ATP4A: variants seen among roughly 807,000 people sequenced by gnomAD.
ATP4A encodes the protein potassium-transporting ATPase alpha chain 1.
Under a neutral mutation model 112.1 loss-of-function variants are expected in ATP4A, and 73 were observed. That is an observed-to-expected ratio of 0.65 (90% CI 0.54 to 0.79). ATP4A has a LOEUF of 0.79. ATP4A is among the 30% of genes least tolerant of loss of function. The pLI, the probability that ATP4A is intolerant of heterozygous loss-of-function variation, is 0.00. For synonymous variants in ATP4A, 588 were observed against 588.9 expected (o/e 1.00, Z 0.02); for missense variants, 1,081 against 1,425.9 (o/e 0.76, Z 3.90).
chr19:35,558,554 C>T lies in ATP4A; in HGVS notation c.1365+23G>A, dbSNP rs765821773. 9.2e-5 allele frequency: 147 copies of T among 1,593,256 alleles called. No individual in the cohort carries two copies. Among genetic ancestry groups the T allele is most frequent in the Non-Finnish European group, 1.2e-4 (141 of 1,170,806 alleles). ...CGGCTACACCAGCCTCCCGGGATTC[C>T]CTGGAGGCCCCCTGGCTCTCACCTT... On this transcript the variant is annotated intron_variant, in intron 9 of 21. Transcript: ENST00000262623. The surrounding 1 kb of genome is among the most constrained non-coding windows in gnomAD (Gnocchi z 5.1).
Position 35,551,610 on chromosome 19 carries a change from T to C in ATP4A, c.2752-30A>G. The C allele has an allele frequency of 1.2e-6, 2 of 1,603,528 alleles. No individual in the cohort carries two copies. Among genetic ancestry groups the C allele is most frequent in the East Asian group, 2.3e-5 (1 of 44,358 alleles). On this transcript the variant is annotated intron_variant, in intron 18 of 21. Transcript: ENST00000262623. This position sits in a 1 kb window ranked among gnomAD's most constrained non-coding sequence, Gnocchi z 5.2. ...AGGCCAGGGGCAAACGGAAACAGCC[T>C]GAGTCCAGCCTGAGTCCCGGCGGAG...
At position 35,553,207 on chromosome 19, in the gene ATP4A, G is replaced by A. The variant is rs772930841; in HGVS notation, c.2606-25C>T. On this transcript the variant is annotated intron_variant, in intron 17 of 21. Coordinates refer to ENST00000262623, the MANE Select transcript of ATP4A (RefSeq NM_000704.3). ...CCTGGAGAGAGACAAGGGGACACAG[G>A]GAGACAGAGATGGACACAGAGACAG... The A allele has an allele frequency of 1.6e-5, 26 of 1,580,138 alleles. No individual in the cohort carries two copies. In the Middle Eastern group the frequency reaches 5.0e-4, roughly 31 times the overall value.
In ATP4A at chr19:35,551,814, CG is replaced by C. The variant is rs1482316412; in HGVS notation, c.2752-235del. Among the ~76,000 whole-genome samples, 6 of 151,968 alleles carry C rather than the reference CG, an allele frequency of 3.9e-5. No homozygotes were observed. Among genetic ancestry groups the C allele is most frequent in the African/African-American group, 1.5e-4 (6 of 41,346 alleles). ...CTAGCAGAGCTTGGATGACAGTGGC[CG>C]GGAAAACTGTAGGCTGGGCCGACTG... On this transcript the variant is annotated intron_variant, in intron 18 of 21. Coordinates refer to ENST00000262623, the MANE Select transcript of ATP4A (RefSeq NM_000704.3). The surrounding 1 kb of genome is among the most constrained non-coding windows in gnomAD (Gnocchi z 5.2).
chr19:35,558,855 C>G lies in ATP4A; in HGVS notation c.1255+138G>C. The stretch of plus-strand genomic sequence containing the variant: ...CCCGGATGACCCTTCCCTCTAGACC[C>G]GGTAGCGAGTCTCCTTTGAGACCTG... On this transcript the variant is annotated intron_variant, in intron 8 of 21. Coordinates refer to ENST00000262623, the MANE Select transcript of ATP4A (RefSeq NM_000704.3). The surrounding 1 kb of genome is among the most constrained non-coding windows in gnomAD (Gnocchi z 5.1). 1 of 1,296,516 alleles carries G rather than the reference C, an allele frequency of 7.7e-7. No individual in the cohort carries two copies. The highest frequency in any genetic ancestry group is 1.4e-5 in the South Asian group (1 of 73,120). The allele number at this position is 1,296,516 out of a possible 1,614,324, so 80.3% of individuals were successfully genotyped here.
In ATP4A at chr19:35,559,422, C is replaced by T. The variant is rs1400472439; in HGVS notation, c.1057-231G>A. Among the ~76,000 whole-genome samples, 1 of 152,212 alleles carries T rather than the reference C, an allele frequency of 6.6e-6. No homozygotes were observed. Among genetic ancestry groups the T allele is most frequent in the Non-Finnish European group, 1.5e-5 (1 of 68,040 alleles). On this transcript the variant is annotated intron_variant, in intron 7 of 21. Transcript: ENST00000262623. This position sits in a 1 kb window ranked among gnomAD's most constrained non-coding sequence, Gnocchi z 4.1. ...TAGCGAGGCCCCTCTCTGAGCTGTCCCAGCCGAGGTTCTGAAAATTCTCTT... is the reference window on the plus strand; with the variant it reads ...TAGCGAGGCCCCTCTCTGAGCTGTCTCAGCCGAGGTTCTGAAAATTCTCTT...
In ATP4A at chr19:35,551,203, G is replaced by A; in HGVS notation, c.2886-92C>T. On this transcript the variant is annotated intron_variant, in intron 19 of 21. Transcript: ENST00000262623. This position sits in a 1 kb window ranked among gnomAD's most constrained non-coding sequence, Gnocchi z 5.2. ...GGTCAAAGTAGGTCAGATGTCAGCAGCAGCAGGGAGGTGTTCTACACACTG... is the reference window on the plus strand; with the variant it reads ...GGTCAAAGTAGGTCAGATGTCAGCAACAGCAGGGAGGTGTTCTACACACTG... 1 of 1,329,288 alleles carries A rather than the reference G, an allele frequency of 7.5e-7. No individual in the cohort carries two copies. Among genetic ancestry groups the A allele is most frequent in the Non-Finnish European group, 1.1e-6 (1 of 950,782 alleles). 82.3% of individuals were successfully genotyped at this position (1,329,288 alleles called of 1,614,324 possible).
rs2071661027 is a variant in ATP4A, at chr19:35,560,314, G to A, written c.787+49C>T. ...TGTCCTAGAAGATAGCAGGAGAGAG[G>A]CCAGTGGAGGCAGCAGTTACTGGGC... On this transcript the variant is annotated intron_variant, in intron 6 of 21. Coordinates refer to ENST00000262623, the MANE Select transcript of ATP4A (RefSeq NM_000704.3). The surrounding 1 kb of genome is among the most constrained non-coding windows in gnomAD (Gnocchi z 5.1). 10 of 1,606,910 alleles carry A rather than the reference G, an allele frequency of 6.2e-6. No individual in the cohort carries two copies. Among genetic ancestry groups the A allele is most frequent in the Non-Finnish European group, 8.5e-6 (10 of 1,176,074 alleles).
In ATP4A at chr19:35,555,615, G is replaced by T. The variant is rs751936807; in HGVS notation, c.2007-25C>A. 1.3e-6 allele frequency: 2 copies of T among 1,576,752 alleles called. No individual in the cohort carries two copies. The highest frequency in any genetic ancestry group is 1.3e-5 in the African/African-American group (1 of 74,460). ...CCTGGGGAGGAGATGGGAGGACCTC[G>T]CTGGGACCTCGGTCTGTGCCAGATG... On this transcript the variant is annotated intron_variant, in intron 13 of 21. Coordinates refer to ENST00000262623, the MANE Select transcript of ATP4A (RefSeq NM_000704.3). This position sits in a 1 kb window ranked among gnomAD's most constrained non-coding sequence, Gnocchi z 6.6.
Position 35,554,948 on chromosome 19 carries a change from G to A in ATP4A, c.2455C>T (p.Leu819Phe). 1.9e-6 allele frequency: 3 copies of A among 1,614,178 alleles called. No homozygotes were observed. Among genetic ancestry groups the A allele is most frequent in the Non-Finnish European group, 2.5e-6 (3 of 1,180,010 alleles). Residue 819 changes from leucine to phenylalanine, a missense_variant, in exon 16 of 22, where the codon CTC (leucine) becomes TTC (phenylalanine). Leu to Phe is a conservative substitution (Grantham distance 22, BLOSUM62 0). Transcript: ENST00000262623. ...ATGTCAGTGCAGAGTTCGATGAAGA[G>A]GATGGTGATGCACCCGAGGGGCAGG... Reference protein sequence around the residue: ...VPLPLGCITILFIELCTDIFP... With the variant: ...VPLPLGCITIFFIELCTDIFP...
At chr19:35,552,348 G>A (rs1469223817) in intron 18 of ATP4A, among the ~76,000 whole-genome samples, 1 of 152,204 alleles carries the variant, frequency 6.6e-6, no homozygotes, top group Non-Finnish European at 1.5e-5. Flanking sequence ...GAACATGCAT[G>A]AGAATCCCAG....
rs780882384 is a variant in ATP4A, at chr19:35,555,561, A to G, written c.2036T>C (p.Met679Thr). Residue 679 changes from methionine to threonine, a missense_variant, in exon 14 of 22, where the codon ATG becomes ACG. Around this residue, in one of 3 missense-constraint regions of ATP4A, gnomAD observed 850 missense variants for 1,068.2 expected, o/e 0.80. Coordinates refer to ENST00000262623, the MANE Select transcript of ATP4A (RefSeq NM_000704.3). This position sits in a 1 kb window ranked among gnomAD's most constrained non-coding sequence, Gnocchi z 6.6. ...KDARACVING[M>T]QLKDMDPSEL... ...CGATGGGTCCATGTCCTTCAGCTGC[A>G]TGCCATTGATCACACAGGCACGGGC... 1 of 1,588,252 alleles carries G rather than the reference A, an allele frequency of 6.3e-7. No homozygotes were observed. Among genetic ancestry groups the G allele is most frequent in the Non-Finnish European group, 8.6e-7 (1 of 1,162,064 alleles).
chr19:35,558,128 G>A lies in ATP4A; in HGVS notation c.1500+234C>T, dbSNP rs1201002976. On this transcript the variant is annotated intron_variant, in intron 10 of 21. Transcript: ENST00000262623. The surrounding 1 kb of genome is among the most constrained non-coding windows in gnomAD (Gnocchi z 5.1). ...TGGGCTGGGGGCGGATTTGGAGAGCGAGGTGCTCCCCATGGACAGTCCCGC... is the reference window on the plus strand; with the variant it reads ...TGGGCTGGGGGCGGATTTGGAGAGCAAGGTGCTCCCCATGGACAGTCCCGC... 8 of 641,400 alleles carry A rather than the reference G, an allele frequency of 1.2e-5. No homozygotes were observed. The highest frequency in any genetic ancestry group is 1.8e-5 in the Non-Finnish European group (7 of 378,664). The allele number at this position is 641,400 out of a possible 1,614,324, so 39.7% of individuals were successfully genotyped here. A position where few individuals can be genotyped will look rare whatever the true frequency, so the allele number is the denominator to read the frequency against.
intron 18 of ATP4A, among the ~76,000 whole-genome samples, chr19:35,552,478 T>G (rs977322659): frequency 1.3e-5 from 2 of 152,184 alleles, no homozygotes; most frequent in Non-Finnish European, 2.9e-5. Context: ...GACTTTGATA[T>G]TCTCTCCACT....
rs373754843 is a variant in ATP4A, at chr19:35,562,192, T to C, written c.420+243A>G. Among the ~76,000 whole-genome samples, 4 of 152,228 alleles carry C rather than the reference T, an allele frequency of 2.6e-5. No homozygotes were observed. The East Asian group carries it at 5.8e-4, about 22-fold the overall frequency. On this transcript the variant is annotated intron_variant, in intron 4 of 21. Coordinates refer to ENST00000262623, the MANE Select transcript of ATP4A (RefSeq NM_000704.3). ...TCTCTTACGTATCACATTGCCATAC[T>C]CTTTATGCCCCCACCTATGTCCCCA...
Position 35,557,173 on chromosome 19 carries a change from C to G in ATP4A, c.1694-85G>C. ...AGGAAATGGGTAAAATAACCAGGCC[C>G]CTTGCACCAAACACCTATGGATGCC... On this transcript the variant is annotated intron_variant, in intron 11 of 21. Transcript: ENST00000262623. This position sits in a 1 kb window ranked among gnomAD's most constrained non-coding sequence, Gnocchi z 4.4. 6.7e-7 allele frequency: 1 copy of G among 1,497,660 alleles called. No homozygotes were observed. The highest frequency in any genetic ancestry group is 2.3e-5 in the East Asian group (1 of 43,706). 92.8% of individuals were successfully genotyped at this position (1,497,660 alleles called of 1,614,324 possible). A position where few individuals can be genotyped will look rare whatever the true frequency, so the allele number is the denominator to read the frequency against.
Position 35,551,700 on chromosome 19 carries a change from T to G in ATP4A, c.2752-120A>C. On this transcript the variant is annotated intron_variant, in intron 18 of 21. Transcript: ENST00000262623. The surrounding 1 kb of genome is among the most constrained non-coding windows in gnomAD (Gnocchi z 5.2). ...GAACCCCTAAATGCTCTCTCTGCCT[T>G]GCATCAGAGTGTGGGGGTGGGGGGA... 2.3e-6 allele frequency: 3 copies of G among 1,302,098 alleles called. No individual in the cohort carries two copies. Among genetic ancestry groups the G allele is most frequent in the Admixed American group, 2.1e-5 (1 of 47,836 alleles). 80.7% of individuals were successfully genotyped at this position (1,302,098 alleles called of 1,614,324 possible). A position where few individuals can be genotyped will look rare whatever the true frequency, so the allele number is the denominator to read the frequency against.
rs2071644858 is a variant in ATP4A at position 35,558,307 on chromosome 19, T to TG, written c.1500+54dup. On this transcript the variant is annotated intron_variant, in intron 10 of 21. Transcript: ENST00000262623. The surrounding 1 kb of genome is among the most constrained non-coding windows in gnomAD (Gnocchi z 5.1). ...GTGGCCCGCTGATGTGGGTGTGGCCTGGGGCGGGGCCCGAGGTGGGCGGGC... is the reference window on the plus strand; with the variant it reads ...GTGGCCCGCTGATGTGGGTGTGGCCTGGGGGCGGGGCCCGAGGTGGGCGGGC... The TG allele has an allele frequency of 1.9e-6, 3 of 1,560,960 alleles. No individual in the cohort carries two copies. Among genetic ancestry groups the TG allele is most frequent in the South Asian group, 1.2e-5 (1 of 85,460 alleles).
At position 35,560,875 on chromosome 19, in the gene ATP4A, A is replaced by G. The variant is rs757551633; in HGVS notation, c.478T>C (p.Tyr160His). The stretch of plus-strand genomic sequence containing the variant: ...ATGTTGGTGCTCTTGAATTCCTGGT[A>G]GTAGCCAAAGCAGCCGGTGACGACA... The part of the protein sequence containing the change: ...VVVVTGCFGY[Y>H]QEFKSTNIIA... Residue 160 changes from tyrosine to histidine, a missense_variant, in exon 5 of 22, where the codon TAC becomes CAC. Transcript: ENST00000262623. This position sits in a 1 kb window ranked among gnomAD's most constrained non-coding sequence, Gnocchi z 5.1. 1 of 1,614,030 alleles carries G rather than the reference A, an allele frequency of 6.2e-7. No homozygotes were observed.
In ATP4A at chr19:35,554,961, C is replaced by A. The variant is rs757964467; in HGVS notation, c.2442G>T (p.Gly814=). ...YITVSVPLPL[G]CITILFIELC... ...GTTCGATGAAGAGGATGGTGATGCACCCGAGGGGCAGGGGCACGCTGACGG... is the reference window on the plus strand; with the variant it reads ...GTTCGATGAAGAGGATGGTGATGCAACCGAGGGGCAGGGGCACGCTGACGG... The change falls in exon 16 of 22, where the codon GGG becomes GGT. Residue 814 remains glycine, a synonymous_variant. Coordinates refer to ENST00000262623, the MANE Select transcript of ATP4A (RefSeq NM_000704.3). 3 of 1,614,090 alleles carry A rather than the reference C, an allele frequency of 1.9e-6. No individual in the cohort carries two copies. The highest frequency in any genetic ancestry group is 2.2e-5 in the South Asian group (2 of 91,076).
Sources: gnomAD v4.1 joint callset for allele counts (sites outside exome capture counted in the v4.1 genomes callset) on GRCh38, gnomAD v4.1.1 for gene constraint, gnomAD v4.1.1 regional missense constraint, Gnocchi (gnomAD v3.1) non-coding constraint, MANE v1.5 for transcripts, NCBI Gene and HGNC (gene_info 2026-07-23, HGNC 2026-07-21) for gene names.